The following NCBP1 variants were observed in gnomAD, a reference collection of about 807,000 sequenced individuals.
The protein encoded by NCBP1 is nuclear cap binding protein subunit 1.
A neutral mutation model predicts 111.7 loss-of-function variants in NCBP1; 16 were observed. The ratio of observed to expected loss-of-function variants is 0.14; its 90% CI spans 0.10 to 0.22. NCBP1 has a LOEUF of 0.22. Ranked by LOEUF, NCBP1 falls within the 10% of genes least tolerant of loss-of-function variation. NCBP1 has a pLI of 1.00. For missense variants in NCBP1, 607 were observed against 957.5 expected (o/e 0.63, Z 4.83); for synonymous variants, 304 against 314.3 (o/e 0.97, Z 0.35).
rs1478782485 is a variant in NCBP1, at chr9:97,650,499, C to T, written c.898-4C>T. On this transcript the variant is annotated splice_region_variant and splice_polypyrimidine_tract_variant and intron_variant, in intron 8 of 22. Coordinates refer to ENST00000375147, the MANE Select transcript of NCBP1 (RefSeq NM_002486.5). ...GTAGTGTACACATTTGGTTTTCTTTCCAGGGTCCTGTCATGCCAGGGAGTC... is the reference window on the plus strand; with the variant it reads ...GTAGTGTACACATTTGGTTTTCTTTTCAGGGTCCTGTCATGCCAGGGAGTC... The T allele has an allele frequency of 8.1e-6, 13 of 1,611,252 alleles. No homozygotes were observed. Among genetic ancestry groups the T allele is most frequent in the Non-Finnish European group, 1.1e-5 (13 of 1,178,190 alleles).
intron 16 of NCBP1, among the ~76,000 whole-genome samples, chr9:97,661,732 GTTTTTTT>G (rs34390822): frequency 1.8e-5 from 2 of 113,070 alleles, no homozygotes; most frequent in Non-Finnish European, 3.7e-5. Flanking sequence ...AAGCTTAAGT[GTTTTTTT>G]TTTTTTTTTT....
At chr9:97,638,742 C>A (rs1339462767) in intron 1 of NCBP1, among the ~76,000 whole-genome samples, 1 of 152,054 alleles carries the variant, frequency 6.6e-6, no homozygotes, top group Non-Finnish European at 1.5e-5. Flanking sequence ...TTGGGAGATG[C>A]CCTATGCAAC....
At chr9:97,641,468 T>A (rs985547836) in intron 2 of NCBP1, 94 bp from the exon 3 acceptor site, 14 of 948,546 alleles carry the variant, frequency 1.5e-5, no homozygotes, top group Non-Finnish European at 1.9e-5. Flanking sequence ...TGATAGATTT[T>A]AAAATATGTA....
At chr9:97,662,366 A>G (rs968723700) in intron 17 of NCBP1, among the ~76,000 whole-genome samples, 4 of 152,172 alleles carry the variant, frequency 2.6e-5, no homozygotes, top group African/African-American at 9.7e-5. Flanking sequence ...TTTTTTTCAT[A>G]TAGACATTTA....
At chr9:97,670,079 CT>C in intron 22 of NCBP1, 1 of 337,788 alleles carries the variant, frequency 3.0e-6, no homozygotes. Context: ...CCCGTCACTA[CT>C]CCTGCCTGAT....
intron 20 of NCBP1, 70 bp downstream of exon 20, chr9:97,666,947 C>A (rs907448993): frequency 8.9e-7 from 1 of 1,124,802 alleles, no homozygotes. Context: ...ATTCAGAGTT[C>A]ATTATCTTGA....
chr9:97,661,531 A>G (rs141024409), intron 16 of NCBP1, among the ~76,000 whole-genome samples: 1 of 152,356 alleles, frequency 6.6e-6, no homozygotes, highest in African/African-American at 2.4e-5. Context: ...GCCTGAATCA[A>G]TAAATGGATA....
chr9:97,659,893 T>G (rs1416119467), intron 15 of NCBP1, among the ~76,000 whole-genome samples: 2 of 152,196 alleles, frequency 1.3e-5, no homozygotes, highest in Middle Eastern at 3.2e-3. Context: ...GGACCTCTAT[T>G]TCTGCCAGGT....
chr9:97,671,209 T>C lies in NCBP1; in HGVS notation c.*10T>C. The C allele has an allele frequency of 6.4e-7, 1 of 1,553,008 alleles. No homozygotes were observed. The highest frequency in any genetic ancestry group is 8.8e-7 in the Non-Finnish European group (1 of 1,135,818). On this transcript the variant is annotated 3_prime_UTR_variant, in exon 23 of 23. Coordinates refer to ENST00000375147, the MANE Select transcript of NCBP1 (RefSeq NM_002486.5). ...TGCCCTGCAGGCCTAAGGGTCATTT[T>C]TTCCTCATGTCAAGGTTTTTTTTGA...
intron 12 of NCBP1, 45 bp downstream of exon 12, chr9:97,654,989 T>G: frequency 7.2e-7 from 1 of 1,394,990 alleles, no homozygotes; most frequent in South Asian, 1.4e-5. Context: ...CAGCTTTTAC[T>G]TCCTGTACTT....
Position 97,637,421 on chromosome 9 carries a change from T to G in NCBP1, c.35-3373T>G, listed in dbSNP as rs368841720. Among the ~76,000 whole-genome samples the G allele has an allele frequency of 1.5e-3, 236 of 152,384 alleles. 1 individual carries two copies. Among genetic ancestry groups the G allele is most frequent in the African/African-American group, 5.4e-3 (226 of 41,594 alleles). On this transcript the variant is annotated intron_variant, in intron 1 of 22. Transcript: ENST00000375147. The stretch of plus-strand genomic sequence containing the variant: ...GAAAGTATTTAGATTGTTCAAAATC[T>G]TAGCTAGAAACAATACGAATACAAT...
chr9:97,661,067 C>T lies in NCBP1; in HGVS notation c.1599C>T (p.Asp533=), dbSNP rs768558440. 10 of 1,611,502 alleles carry T rather than the reference C, an allele frequency of 6.2e-6. No individual in the cohort carries two copies. Among genetic ancestry groups the T allele is most frequent in the East Asian group, 2.2e-5 (1 of 44,798 alleles). The change falls in exon 16 of 23, where the codon GAC becomes GAT. Residue 533 remains aspartate, a splice_region_variant and synonymous_variant. Transcript: ENST00000375147. ...CAAATCCTAACCAGGATGATGACGA[C>T]GGTAAGTGGAATTCAGTATTTCTTA... ...DVPNPNQDDD[D]DEGFSFNPLK... is the part of the protein sequence containing the mutation.
chr9:97,654,448 C>A (rs138624135), intron 11 of NCBP1, among the ~76,000 whole-genome samples: 230 of 151,866 alleles, frequency 1.5e-3, no homozygotes, highest in African/African-American at 5.3e-3. Context: ...AATGGAAAAG[C>A]TTGTTTTATT....
chr9:97,653,603 GAGA>G (rs1827559422), intron 10 of NCBP1, among the ~76,000 whole-genome samples, 192 bp from the exon 11 acceptor site: 2 of 152,160 alleles, frequency 1.3e-5, no homozygotes, highest in Non-Finnish European at 2.9e-5. Context: ...GAATTATAGA[GAGA>G]AGAAATTTTC....
In NCBP1 at chr9:97,654,754, T is replaced by G; in HGVS notation, c.1171-126T>G. The G allele has an allele frequency of 9.5e-6, 8 of 838,602 alleles. No homozygotes were observed. The Middle Eastern group carries it at 2.2e-3, about 230-fold the overall frequency. The allele number at this position is 838,602 out of a possible 1,614,324, so 51.9% of individuals were successfully genotyped here. On this transcript the variant is annotated intron_variant, in intron 11 of 22. Coordinates refer to ENST00000375147, the MANE Select transcript of NCBP1 (RefSeq NM_002486.5). Reference sequence around the variant, plus strand: ...AAGAAAAAACAAAAACAAGATTGATTGTGTGAAAAGATGTTCAGCATTATT... The same window carrying G: ...AAGAAAAAACAAAAACAAGATTGATGGTGTGAAAAGATGTTCAGCATTATT...
chr9:97,671,007 G>A, intron 22 of NCBP1, 79 bp from the exon 23 acceptor site: 1 of 854,790 alleles, frequency 1.2e-6, no homozygotes, highest in Non-Finnish European at 1.9e-6. Flanking sequence ...CAGCATGGGT[G>A]GGCTGCTGAA....
intron 20 of NCBP1, among the ~76,000 whole-genome samples, chr9:97,667,308 A>T (rs1828036923): frequency 6.6e-6 from 1 of 152,220 alleles, no homozygotes; most frequent in African/African-American, 2.4e-5. Context: ...CATAGTATTA[A>T]TTTAGTATTT....
chr9:97,650,310 C>G (rs1827465112), intron 8 of NCBP1, among the ~76,000 whole-genome samples, 193 bp from the exon 9 acceptor site: 1 of 152,180 alleles, frequency 6.6e-6, no homozygotes, highest in Non-Finnish European at 1.5e-5. Flanking sequence ...AAAAACACTA[C>G]AGCTGATACT....
chr9:97,634,265 C>T (rs532097685), intron 1 of NCBP1, among the ~76,000 whole-genome samples: 1 of 152,300 alleles, frequency 6.6e-6, no homozygotes, highest in East Asian at 1.9e-4. Flanking sequence ...CCCACTGGTC[C>T]TAGTGTCTCG....
Sources: gnomAD v4.1 joint callset for allele counts (sites outside exome capture counted in the v4.1 genomes callset) on GRCh38, gnomAD v4.1.1 for gene constraint, MANE v1.5 for transcripts, NCBI Gene and HGNC (gene_info 2026-07-23, HGNC 2026-07-21) for gene names.